The following SHISA6 variants were observed in gnomAD, a reference collection of about 807,000 sequenced individuals.
SHISA6 encodes the protein shisa family member 6.
SHISA6 carries 22 observed loss-of-function variants against 47.9 expected under a neutral mutation model. That is an observed-to-expected ratio of 0.46 (90% CI 0.33 to 0.66). The LOEUF is 0.66. SHISA6 is among the 30% of genes least tolerant of loss of function. The pLI is 0.02. For missense variants in SHISA6, 680 were observed against 764.6 expected, an observed-to-expected ratio of 0.89 and a Z score of 1.30; for synonymous variants, 388 against 337.8, an observed-to-expected ratio of 1.15 and a Z score of -1.63.
intron 3 of SHISA6, among the ~76,000 whole-genome samples, chr17:11,397,273 A>G (rs1913600207): frequency 6.6e-6 from 1 of 152,140 alleles, no homozygotes; most frequent in African/African-American, 2.4e-5. Flanking sequence ...CCTATACAAC[A>G]ATCAATGTGA....
chr17:11,391,548 T>C (rs953437074), intron 3 of SHISA6, among the ~76,000 whole-genome samples: 3 of 152,084 alleles, frequency 2.0e-5, no homozygotes, highest in African/African-American at 4.8e-5. Context: ...TACAAACTGA[T>C]GTTCAACTCC....
At chr17:11,482,173 G>C (rs1916238573) in intron 3 of SHISA6, among the ~76,000 whole-genome samples, 1 of 152,162 alleles carries the variant, frequency 6.6e-6, no homozygotes, top group African/African-American at 2.4e-5. Context: ...TAGGTAGATA[G>C]AATAAGCTCC....
intron 3 of SHISA6, among the ~76,000 whole-genome samples, chr17:11,459,407 C>G (rs1334929722): frequency 6.6e-5 from 10 of 152,184 alleles, no homozygotes; most frequent in Non-Finnish European, 1.5e-5. Flanking sequence ...AGGAGTTATT[C>G]ACATGCATTT....
intron 2 of SHISA6, among the ~76,000 whole-genome samples, chr17:11,359,492 A>G (rs1045581549): frequency 6.6e-6 from 1 of 152,138 alleles, no homozygotes; most frequent in Admixed American, 6.5e-5. Context: ...CTCTCTCTGC[A>G]TCAACTCTCT....
At chr17:11,394,959 A>G (rs1043928229) in intron 3 of SHISA6, among the ~76,000 whole-genome samples, 5 of 150,582 alleles carry the variant, frequency 3.3e-5, no homozygotes, top group Admixed American at 2.6e-4. Flanking sequence ...ATTTGAGAGT[A>G]AATTTCAGAT....
intron 1 of SHISA6, among the ~76,000 whole-genome samples, chr17:11,247,933 C>A (rs1004478107): frequency 6.6e-6 from 1 of 152,112 alleles, no homozygotes; most frequent in East Asian, 1.9e-4. Context: ...CGCCACCACA[C>A]CTGGCTAATT....
At chr17:11,482,323 A>C (rs1012472719) in intron 3 of SHISA6, among the ~76,000 whole-genome samples, 4 of 152,252 alleles carry the variant, frequency 2.6e-5, no homozygotes, top group African/African-American at 9.6e-5. Flanking sequence ...AAAGGAACAT[A>C]AGTTACATTT....
At chr17:11,510,366 A>G (rs918057106) in intron 3 of SHISA6, among the ~76,000 whole-genome samples, 1 of 152,150 alleles carries the variant, frequency 6.6e-6, no homozygotes, top group Non-Finnish European at 1.5e-5. Flanking sequence ...TAGGGGGAGA[A>G]GAACATTAGC....
intron 3 of SHISA6, among the ~76,000 whole-genome samples, chr17:11,457,252 A>G (rs544117285): frequency 6.6e-6 from 1 of 151,972 alleles, no homozygotes; most frequent in South Asian, 2.1e-4. Flanking sequence ...ACTCATCTCT[A>G]CCCTGCACTC....
chr17:11,546,109 T>A (rs1167627981), intron 3 of SHISA6, among the ~76,000 whole-genome samples: 1 of 152,212 alleles, frequency 6.6e-6, no homozygotes, highest in Non-Finnish European at 1.5e-5. Context: ...AAATACAATA[T>A]GCCCCGGTCT....
At chr17:11,377,038 A>G (rs1364256633) in intron 2 of SHISA6, among the ~76,000 whole-genome samples, 2 of 152,230 alleles carry the variant, frequency 1.3e-5, no homozygotes, top group Non-Finnish European at 2.9e-5. Flanking sequence ...ATGGCTTTGA[A>G]AAACATAAAA....
chr17:11,278,019 A>G (rs962469501), intron 2 of SHISA6, among the ~76,000 whole-genome samples: 4 of 152,140 alleles, frequency 2.6e-5, no homozygotes, highest in African/African-American at 9.7e-5. Context: ...GGGGCTATTA[A>G]TGATTTGTGT....
In SHISA6 at chr17:11,363,454, TTTTCTCAGTTTTCTAC is replaced by T. The variant is rs1454635323; in HGVS notation, c.800-15958_800-15943del. 2.0e-5 allele frequency among the ~76,000 whole-genome samples: 3 copies of T among 152,220 alleles called. No individual in the cohort carries two copies. The East Asian group carries it at 5.8e-4, about 29-fold the overall frequency. ...AAGGCACTTTCTTTTTCCAGATTTG[TTTTCTCAGTTTTCTAC>T]TGAAAGAGTAAATATTGGTGGTTTC... is the stretch of plus-strand genomic sequence containing the variant. On this transcript the variant is annotated intron_variant, in intron 2 of 5. Transcript: ENST00000441885.
intron 3 of SHISA6, among the ~76,000 whole-genome samples, chr17:11,407,699 TTTC>T: frequency 6.6e-6 from 1 of 152,266 alleles, no homozygotes; most frequent in Admixed American, 6.5e-5. Context: ...CGGTTGATGG[TTTC>T]TGAGTCTAAG....
At chr17:11,293,666 C>T (rs901458012) in intron 2 of SHISA6, among the ~76,000 whole-genome samples, 1 of 151,880 alleles carries the variant, frequency 6.6e-6, no homozygotes, top group Non-Finnish European at 1.5e-5. Context: ...GTTGGTGGGG[C>T]TTTGAGCACA....
At chr17:11,492,308 GC>G (rs1290152892) in intron 3 of SHISA6, among the ~76,000 whole-genome samples, 1 of 152,084 alleles carries the variant, frequency 6.6e-6, no homozygotes, top group Non-Finnish European at 1.5e-5. Context: ...AGTTACAACA[GC>G]TTTAAGCTGA....
intron 3 of SHISA6, among the ~76,000 whole-genome samples, chr17:11,483,333 C>G (rs962293368): frequency 1.3e-5 from 2 of 149,530 alleles, no homozygotes; most frequent in Non-Finnish European, 1.5e-5. Flanking sequence ...AACCAAAATA[C>G]GAATAATAAT....
chr17:11,442,072 G>A (rs879862831), intron 3 of SHISA6, among the ~76,000 whole-genome samples: 1 of 152,154 alleles, frequency 6.6e-6, no homozygotes, highest in Non-Finnish European at 1.5e-5. Flanking sequence ...CTTTTTCTGG[G>A]TGTATAGAGC....
chr17:11,245,121 C>G (rs761853032), intron 1 of SHISA6, among the ~76,000 whole-genome samples: 14 of 152,172 alleles, frequency 9.2e-5, no homozygotes, highest in African/African-American at 2.4e-4. Context: ...AAATCAGTGT[C>G]TGTGGGGGAA....
Sources: gnomAD v4.1 joint callset for allele counts (sites outside exome capture counted in the v4.1 genomes callset) on GRCh38, gnomAD v4.1.1 for gene constraint, MANE v1.5 for transcripts, NCBI Gene and HGNC (gene_info 2026-07-23, HGNC 2026-07-21) for gene names.